Variants in SLC7A1 observed in about 807,000 individuals in gnomAD.
SLC7A1 encodes high affinity cationic amino acid transporter 1.
A neutral mutation model predicts 53.9 loss-of-function variants in SLC7A1; 10 were observed. The ratio of observed to expected loss-of-function variants is 0.19; its 90% confidence interval spans 0.11 to 0.31. SLC7A1 has a LOEUF of 0.31. Ranked by LOEUF, SLC7A1 falls within the 10% of genes least tolerant of loss-of-function variation. The pLI, the probability that SLC7A1 is intolerant of heterozygous loss-of-function variation, is 1.00. For synonymous variants in SLC7A1, 342 were observed against 338.7 expected (o/e 1.01, Z -0.11); for missense variants, 525 against 827.2 (o/e 0.63, Z 4.48).
Position 29,509,452 on chromosome 13 carries a change from A to C in SLC7A1, c.*5028T>G, listed in dbSNP as rs1421259472. On this transcript the variant is annotated 3_prime_UTR_variant, in exon 13 of 13. Coordinates refer to ENST00000380752, the MANE Select transcript of SLC7A1 (RefSeq NM_003045.5). ...ATTTATTCGAATTTGCAGAAGCATG[A>C]GATAATGTACCACAAAAGAGTTTGA... is the stretch of plus-strand genomic sequence containing the variant. The C allele has an allele frequency of 6.6e-6, 1 of 152,618 alleles. No homozygotes were observed. The highest frequency in any genetic ancestry group is 2.4e-5 in the African/African-American group (1 of 41,470). 9.5% of individuals were successfully genotyped at this position (152,618 alleles called of 1,614,324 possible). A position where few individuals can be genotyped will look rare whatever the true frequency, so the allele number is the denominator to read the frequency against.
intron 1 of SLC7A1, among the ~76,000 whole-genome samples, chr13:29,574,185 C>T (rs1284741801): frequency 6.6e-6 from 1 of 152,176 alleles, no homozygotes; most frequent in Non-Finnish European, 1.5e-5. Context: ...GCTTAGTTTA[C>T]AAAGGGATGA....
chr13:29,522,324 G>A lies in SLC7A1; in HGVS notation c.1182C>T (p.Ala394=), dbSNP rs34747283. 5.1e-3 allele frequency: 8,312 copies of A among 1,614,110 alleles called. 113 individuals are homozygous for A. The highest frequency in any genetic ancestry group is 0.049 in the African/African-American group (3,683 of 75,024). Residue 394 remains alanine (A), a synonymous_variant, in exon 8 of 13, where the codon GCC becomes GCT. Transcript: ENST00000380752. ...ATGAGTTCTAGTACTCACCAGCAACGGCACCCGAGGCTAATGTGGCGATTA... is the reference window on the plus strand; with the variant it reads ...ATGAGTTCTAGTACTCACCAGCAACAGCACCCGAGGCTAATGTGGCGATTA... ...TPIIATLASG[A]VAAVMAFLFD... is the part of the protein sequence containing the mutation.
At chr13:29,516,629 C>T (rs764640328) in intron 11 of SLC7A1, among the ~76,000 whole-genome samples, 2 of 152,186 alleles carry the variant, frequency 1.3e-5, no homozygotes, top group Admixed American at 6.5e-5. Flanking sequence ...AAGCCTTGCC[C>T]GTCTCCAAGG....
rs56111458 is a variant in SLC7A1, at chr13:29,509,690, TAAAAG to T, written c.*4785_*4789del. On this transcript the variant is annotated 3_prime_UTR_variant, in exon 13 of 13. Coordinates refer to ENST00000380752, the MANE Select transcript of SLC7A1 (RefSeq NM_003045.5). Reference sequence around the variant, plus strand: ...ATCTAGTATCACAACTTTAAGAAACTAAAAGAAAACTATTAGAAAAATAGAACATC... The same window carrying T: ...ATCTAGTATCACAACTTTAAGAAACTAAAACTATTAGAAAAATAGAACATC... The T allele has an allele frequency of 0.019, 2,834 of 152,300 alleles. 32 individuals carry two copies. Among genetic ancestry groups the T allele is most frequent in the Non-Finnish European group, 0.029 (1,990 of 67,970 alleles). The allele number at this position is 152,300 out of a possible 1,614,324, so 9.4% of individuals were successfully genotyped here. A position where few individuals can be genotyped will look rare whatever the true frequency, so the allele number is the denominator to read the frequency against.
intron 2 of SLC7A1, among the ~76,000 whole-genome samples, chr13:29,537,830 A>G (rs1344989225): frequency 2.0e-5 from 3 of 152,234 alleles, no homozygotes. Flanking sequence ...GTATTTATTG[A>G]CCTAACTTGG....
chr13:29,536,283 A>G, intron 2 of SLC7A1, 81 bp from the exon 3 acceptor site: 2 of 1,364,286 alleles, frequency 1.5e-6, no homozygotes, highest in South Asian at 2.7e-5. Context: ...ATGGAAACAC[A>G]GACAGTGATC....
At chr13:29,524,037 G>A (rs1868763478) in intron 6 of SLC7A1, 95 bp downstream of exon 6, 6 of 1,269,796 alleles carry the variant, frequency 4.7e-6, no homozygotes, top group African/African-American at 2.9e-5. Context: ...AAAGAGCGGC[G>A]ACTGGACCGT....
chr13:29,576,078 A>C (rs1006112651), intron 1 of SLC7A1, among the ~76,000 whole-genome samples: 1 of 152,122 alleles, frequency 6.6e-6, no homozygotes, highest in Non-Finnish European at 1.5e-5. Flanking sequence ...CCTTGAGGCC[A>C]GGAGTTTGAG....
In SLC7A1 at chr13:29,544,440, C is replaced by T. The variant is rs537658787; in HGVS notation, c.-14-8238G>A. 3.3e-5 allele frequency among the ~76,000 whole-genome samples: 5 copies of T among 152,280 alleles called. No individual in the cohort carries two copies. In the South Asian group the frequency reaches 1.0e-3, roughly 32 times the overall value. On this transcript the variant is annotated intron_variant, in intron 2 of 12. Coordinates refer to ENST00000380752, the MANE Select transcript of SLC7A1 (RefSeq NM_003045.5). The stretch of plus-strand genomic sequence containing the variant: ...ACACCTAACATCCTGGAGCACCAGC[C>T]AAATGAAAGTCCTTTACATTTTACT...
rs1868723207 is a variant in SLC7A1, at chr13:29,523,382, C to G, written c.933G>C (p.Met311Ile). ...TATTGTCCAGGCAGAAGTAGGGCAT[C>G]ATGAGCGTGAGGGCAGCCGACACCC... ...YFGVSAALTLMMPYFCLDNNS... is the reference protein window; with the variant it reads ...YFGVSAALTLIMPYFCLDNNS... The change falls in exon 7 of 13, where the codon ATG becomes ATC. Residue 311 changes from methionine (M) to isoleucine (I), a missense_variant. Met to Ile is a conservative substitution (Grantham distance 10). Coordinates refer to ENST00000380752, the MANE Select transcript of SLC7A1 (RefSeq NM_003045.5). The G allele has an allele frequency of 6.2e-7, 1 of 1,613,710 alleles. No homozygotes were observed. The highest frequency in any genetic ancestry group is 1.1e-5 in the South Asian group (1 of 91,082).
At chr13:29,539,617 G>A (rs777829802) in intron 2 of SLC7A1, among the ~76,000 whole-genome samples, 11 of 152,304 alleles carry the variant, frequency 7.2e-5, no homozygotes, top group Admixed American at 1.3e-4. Context: ...GAATAGGTAC[G>A]CAGCGGCCCG....
chr13:29,535,749 C>T (rs1869381212), intron 3 of SLC7A1, 70 bp downstream of exon 3: 2 of 1,524,612 alleles, frequency 1.3e-6, no homozygotes, highest in Non-Finnish European at 1.8e-6. Flanking sequence ...GGGGCATCCA[C>T]CCACACTTTG....
chr13:29,514,175 C>T lies in SLC7A1; in HGVS notation c.*305G>A, dbSNP rs1284835119. ...GTGACCTCCGTTCTGCCTGAGGCTG[C>T]GGCAGCTCGGGGCTGAGCTGGTAGG... On this transcript the variant is annotated 3_prime_UTR_variant, in exon 13 of 13. Transcript: ENST00000380752. 3 of 371,490 alleles carry T rather than the reference C, an allele frequency of 8.1e-6. No homozygotes were observed. Among genetic ancestry groups the T allele is most frequent in the African/African-American group, 2.0e-5 (1 of 48,938 alleles). 23.0% of individuals were successfully genotyped at this position (371,490 alleles called of 1,614,324 possible).
intron 2 of SLC7A1, among the ~76,000 whole-genome samples, chr13:29,543,140 T>A (rs1350399907): frequency 6.6e-6 from 1 of 152,092 alleles, no homozygotes; most frequent in Admixed American, 6.5e-5. Context: ...GGTGCGAGGC[T>A]ATGAACATAC....
In SLC7A1 at chr13:29,551,082, T is replaced by C. The variant is rs1044604879; in HGVS notation, c.-15+2679A>G. On this transcript the variant is annotated intron_variant, in intron 2 of 12. Coordinates refer to ENST00000380752, the MANE Select transcript of SLC7A1 (RefSeq NM_003045.5). ...ACATTAAGTAGCTGTTATTTCATTT[T>C]TTTAAAAATTGGGTGATCTTCCTTG... 4.6e-5 allele frequency among the ~76,000 whole-genome samples: 7 copies of C among 152,372 alleles called. No individual in the cohort carries two copies. The South Asian group carries it at 1.0e-3, about 23-fold the overall frequency.
chr13:29,569,724 CTGAGCAGCTGGTATGCAGCAGACACTG>C (rs1296779527), intron 1 of SLC7A1, among the ~76,000 whole-genome samples: 19 of 152,354 alleles, frequency 1.2e-4, no homozygotes, highest in South Asian at 6.2e-4. Flanking sequence ...GCAATAACAT[CTGAGCAGCTGGTATGCAGCAGACACTG>C]TGCTAGGTCT....
At chr13:29,574,808 C>T (rs773968361) in intron 1 of SLC7A1, among the ~76,000 whole-genome samples, 60 of 152,048 alleles carry the variant, frequency 3.9e-4, no homozygotes, top group Non-Finnish European at 5.4e-4. Context: ...CCATGACTGG[C>T]TAATTTTTTT....
chr13:29,523,182 G>T, intron 7 of SLC7A1, 84 bp downstream of exon 7: 8 of 1,104,452 alleles, frequency 7.2e-6, no homozygotes, highest in Admixed American at 1.7e-5. Flanking sequence ...TGTGTGTCTC[G>T]CATGGCTGTA....
At chr13:29,579,038 C>A (rs1210303407) in intron 1 of SLC7A1, among the ~76,000 whole-genome samples, 1 of 152,222 alleles carries the variant, frequency 6.6e-6, no homozygotes, top group African/African-American at 2.4e-5. Context: ...ACCTTTCAGG[C>A]AGCAGACAGC....
Sources: allele counts gnomAD v4.1 joint callset (sites outside exome capture counted in the v4.1 genomes callset), GRCh38; gene constraint gnomAD v4.1.1; transcripts MANE v1.5; gene names NCBI Gene and HGNC (gene_info 2026-07-23, HGNC 2026-07-21).